The following TENM3 variants were observed in gnomAD, a reference collection of about 807,000 sequenced individuals.
TENM3 encodes teneurin-3.
Under a neutral mutation model 255.1 loss-of-function variants are expected in TENM3, and 63 were observed. The observed-to-expected ratio is 0.25, with a 90% confidence interval of 0.20 to 0.30. The LOEUF (loss-of-function observed/expected upper bound fraction) is 0.30. Among genes scored for constraint, TENM3 ranks in the 10% least tolerant of loss-of-function variants. The probability of loss-of-function intolerance (pLI) is 1.00; values close to 1 mark genes in which losing one functional copy is unlikely to be tolerated. For missense variants in TENM3, 2,929 were observed against 3,461.1 expected (o/e 0.85, Z 3.86); for synonymous variants, 1,306 against 1,322.3 (o/e 0.99, Z 0.27).
intron 1 of TENM3, among the ~76,000 whole-genome samples, chr4:182,245,266 G>C (rs1400993690): frequency 6.6e-6 from 1 of 152,184 alleles, no homozygotes; most frequent in Non-Finnish European, 1.5e-5. Flanking sequence ...GTCCTCTTGA[G>C]AGAGTGGCTC....
chr4:181,574,297 C>A, the TENM3 span, among the ~76,000 whole-genome samples: 1 of 151,390 alleles, frequency 6.6e-6, no homozygotes, highest in African/African-American at 2.4e-5. Flanking sequence ...TTTGGGAGGC[C>A]GAGGCGGGTG....
chr4:181,949,662 A>G, the TENM3 span, among the ~76,000 whole-genome samples: 1 of 152,166 alleles, frequency 6.6e-6, no homozygotes, highest in South Asian at 2.1e-4. Context: ...CAAGCCTGCC[A>G]TTCTCTACGT....
At chr4:181,970,734 T>G in the TENM3 span, among the ~76,000 whole-genome samples, 1 of 152,354 alleles carries the variant, frequency 6.6e-6, no homozygotes, top group South Asian at 2.1e-4. Context: ...GCTTCTCTGC[T>G]GCTGGCGGCT....
chr4:181,739,269 A>G, the TENM3 span, among the ~76,000 whole-genome samples: 1 of 152,194 alleles, frequency 6.6e-6, no homozygotes, highest in African/African-American at 2.4e-5. Flanking sequence ...CAGCGATTTC[A>G]TAAAGTGATT....
chr4:181,861,439 G>C, the TENM3 span, among the ~76,000 whole-genome samples: 1 of 152,034 alleles, frequency 6.6e-6, no homozygotes, highest in Admixed American at 6.6e-5. Context: ...ACTTGTCTTT[G>C]AAAAATATAA....
the TENM3 span, among the ~76,000 whole-genome samples, chr4:181,714,455 AG>A: frequency 6.6e-6 from 1 of 152,228 alleles, no homozygotes; most frequent in Non-Finnish European, 1.5e-5. Context: ...TATCTCAAAA[AG>A]AAAGAAAGAC....
intron 3 of TENM3, among the ~76,000 whole-genome samples, chr4:182,431,799 G>T (rs930154564): frequency 6.6e-6 from 1 of 151,944 alleles, no homozygotes; most frequent in African/African-American, 2.4e-5. Flanking sequence ...AGCCAGGGCC[G>T]GGCATAGTGG....
the TENM3 span, among the ~76,000 whole-genome samples, chr4:181,928,296 G>A: frequency 6.6e-6 from 1 of 151,988 alleles, no homozygotes; most frequent in African/African-American, 2.4e-5. Flanking sequence ...AAGATTAGAT[G>A]AAATGTTAAC....
At chr4:182,004,477 A>G in the TENM3 span, among the ~76,000 whole-genome samples, 10 of 152,112 alleles carry the variant, frequency 6.6e-5, no homozygotes, top group African/African-American at 2.2e-4. Context: ...CCTATCATTG[A>G]TAGGCATTTG....
At chr4:182,450,937 T>A (rs1561460609) in intron 3 of TENM3, among the ~76,000 whole-genome samples, 1 of 152,218 alleles carries the variant, frequency 6.6e-6, no homozygotes, top group Non-Finnish European at 1.5e-5. Context: ...GCATTCCAAA[T>A]GTTTTTAATG....
At chr4:181,530,739 A>G in the TENM3 span, among the ~76,000 whole-genome samples, 2 of 152,226 alleles carry the variant, frequency 1.3e-5, no homozygotes, top group Non-Finnish European at 1.5e-5. Context: ...ATGTTGATTC[A>G]ACAACAAAGA....
At chr4:182,737,258 CAAG>C (rs1761240823) in intron 17 of TENM3, among the ~76,000 whole-genome samples, 183 bp downstream of exon 17, 1 of 152,198 alleles carries the variant, frequency 6.6e-6, no homozygotes, top group East Asian at 1.9e-4. Context: ...CTCCATGTGG[CAAG>C]AAGAAGAAAA....
chr4:182,540,793 A>G (rs1410088940), intron 3 of TENM3, among the ~76,000 whole-genome samples: 2 of 152,158 alleles, frequency 1.3e-5, no homozygotes, highest in Non-Finnish European at 2.9e-5. Context: ...GAACTTAGTA[A>G]TTTTGCAAAG....
chr4:182,289,480 G>A (rs1324007465), intron 1 of TENM3, among the ~76,000 whole-genome samples: 6 of 152,170 alleles, frequency 3.9e-5, no homozygotes, highest in Non-Finnish European at 8.8e-5. Flanking sequence ...TATACTTGTC[G>A]CAGTTGTCCT....
chr4:181,622,648 C>T, the TENM3 span, among the ~76,000 whole-genome samples: 2 of 152,102 alleles, frequency 1.3e-5, no homozygotes, highest in South Asian at 2.1e-4. Context: ...TGTACCCCAA[C>T]CTGGGCAACA....
At chr4:182,206,030 C>T (rs747825034) in intron 1 of TENM3, among the ~76,000 whole-genome samples, 1 of 148,762 alleles carries the variant, frequency 6.7e-6, no homozygotes, top group Non-Finnish European at 1.5e-5. Flanking sequence ...CACGATCCAC[C>T]GAAAGAAGAA....
intron 3 of TENM3, among the ~76,000 whole-genome samples, chr4:182,348,450 A>G (rs1764972088): frequency 6.6e-6 from 1 of 152,176 alleles, no homozygotes. Flanking sequence ...GGCAGGTACC[A>G]TGGTCATATT....
chr4:182,450,426 C>T (rs1718875545), intron 3 of TENM3, among the ~76,000 whole-genome samples: 1 of 152,050 alleles, frequency 6.6e-6, no homozygotes, highest in Admixed American at 6.5e-5. Context: ...AGCGGACTCC[C>T]AGGTATTAAA....
intron 14 of TENM3, 33 bp downstream of exon 14, chr4:182,729,214 A>G: frequency 1.3e-6 from 2 of 1,554,906 alleles, no homozygotes; most frequent in Non-Finnish European, 1.8e-6. Flanking sequence ...TAGATTTGTA[A>G]TGATGTTATC....
Sources: allele counts gnomAD v4.1 joint callset (sites outside exome capture counted in the v4.1 genomes callset), GRCh38; gene constraint gnomAD v4.1.1; transcripts MANE v1.5; gene names NCBI Gene and HGNC (gene_info 2026-07-23, HGNC 2026-07-21).